Variants in PRX observed in about 807,000 individuals in gnomAD.
The protein encoded by PRX is periaxin.
A neutral mutation model predicts 29.6 loss-of-function variants in PRX; 24 were observed. The ratio of observed to expected loss-of-function variants is 0.81; its 90% confidence interval spans 0.59 to 1.14. The LOEUF is 1.14. PRX is among the 50% of genes most tolerant of loss of function. The pLI is 0.00. For synonymous variants in PRX, 772 were observed against 831.7 expected, an observed-to-expected ratio of 0.93 and a Z score of 1.24; for missense variants, 1,838 against 1,926.4, an observed-to-expected ratio of 0.95 and a Z score of 0.86.
chr19:40,410,669 G>C (rs948216497), intron 1 of PRX, among the ~76,000 whole-genome samples: 3 of 152,166 alleles, frequency 2.0e-5, no homozygotes, highest in African/African-American at 7.2e-5. Context: ...TCAGGGGTTC[G>C]AGACCAGTCT....
At position 40,397,599 on chromosome 19, in the gene PRX, GACCTGGGGGAC is replaced by G; in HGVS notation, c.742_752del (p.Val248LeufsTer101). The stretch of plus-strand genomic sequence containing the variant: ...CTGAGGGGGCAGCCTTGGGGGCTGA[GACCTGGGGGAC>G]ACCCACCTCCGCCCCTGGCAGCCGC... On this transcript the variant is annotated frameshift_variant, in exon 7 of 7. Transcript: ENST00000324001. LOFTEE classifies it low-confidence loss of function (END_TRUNC). 6.5e-7 allele frequency: 1 copy of G among 1,541,386 alleles called. No individual in the cohort carries two copies. The highest frequency in any genetic ancestry group is 8.7e-7 in the Non-Finnish European group (1 of 1,148,390).
intron 5 of PRX, among the ~76,000 whole-genome samples, chr19:40,403,335 T>G (rs913416177): frequency 6.6e-6 from 1 of 152,072 alleles, no homozygotes; most frequent in African/African-American, 2.4e-5. Context: ...ACAAAAACAT[T>G]TACTAGCACT....
Position 40,395,038 on chromosome 19 carries a change from C to G in PRX, c.3314G>C (p.Gly1105Ala), listed in dbSNP as rs1403624335. 3.7e-6 allele frequency: 6 copies of G among 1,611,214 alleles called. No homozygotes were observed. In the African/African-American group the frequency reaches 8.0e-5, roughly 22 times the overall value. The change falls in exon 7 of 7, where the codon GGC becomes GCC. Residue 1105 changes from glycine (G) to alanine (A), a missense_variant. By Grantham distance (60) the Gly-to-Ala change is moderately conservative (BLOSUM62 0). Coordinates refer to ENST00000324001, the MANE Select transcript of PRX (RefSeq NM_181882.3). ...CTCTGCCCTCCCTTCCTCCTGGGCG[C>G]CCAGCGTGACCAGCTCCACCTCGGG... ...KIPEVELVTL[G>A]AQEEGRAEGA...
In PRX at chr19:40,396,039, T is replaced by C; in HGVS notation, c.2313A>G (p.Ala771=). The C allele has an allele frequency of 6.2e-7, 1 of 1,614,084 alleles. No individual in the cohort carries two copies. Among genetic ancestry groups the C allele is most frequent in the East Asian group, 2.2e-5 (1 of 44,890 alleles). ...GAGCCCTGGGCAGCTTCACCTCTGG[T>C]GCCTTCGGAAGATGCACGTCGGGAA... The part of the protein sequence containing the change: ...PKVPDVHLPK[A]PEVKLPRAPE... Residue 771 remains alanine (A), a synonymous_variant, in exon 7 of 7, where the codon GCA becomes GCG. Transcript: ENST00000324001.
At position 40,399,888 on chromosome 19, in the gene PRX, TTTCTTTCTTTCTTTCTTTTTCTTTC is replaced by T. The variant is rs1304343811; in HGVS notation, c.185-1097_185-1073del. Among the ~76,000 whole-genome samples the T allele has an allele frequency of 1.6e-3, 105 of 65,448 alleles. 1 individual carries two copies. The highest frequency in any genetic ancestry group is 0.011 in the African/African-American group (103 of 9,064). The allele number at this position is 65,448 out of a possible 152,430, so 42.9% of individuals were successfully genotyped here. On this transcript the variant is annotated intron_variant, in intron 5 of 6. Coordinates refer to ENST00000324001, the MANE Select transcript of PRX (RefSeq NM_181882.3). ...CTTTCTTTCTTTCTTTCTTTCTTTC[TTTCTTTCTTTCTTTCTTTTTCTTTC>T]TTTCTTTCTTTCACCCAGCTTTCTT...
At position 40,397,745 on chromosome 19, in the gene PRX, G is replaced by A. The variant is rs2079456028; in HGVS notation, c.607C>T (p.Gln203Ter). 8 of 1,563,968 alleles carry A rather than the reference G, an allele frequency of 5.1e-6. No individual in the cohort carries two copies. The highest frequency in any genetic ancestry group is 6.9e-6 in the Non-Finnish European group (8 of 1,156,106). Residue 203 changes from glutamine (Q) to a stop codon, truncating the protein, a stop_gained, in exon 7 of 7, where the codon CAG becomes TAG. Transcript: ENST00000324001. LOFTEE classifies it low-confidence loss of function (END_TRUNC). ...GCGGCGGCGGCCAGCCGGGCTGCCT[G>A]AGCCTCTTCGGCCACTTCTCGTACA... ...LRVREVAEEA[Q>*]AARLAAAAPP...
In PRX at chr19:40,397,394, A is replaced by G; in HGVS notation, c.958T>C (p.Ser320Pro). The change falls in exon 7 of 7, where the codon TCG (serine) becomes CCG (proline). Residue 320 changes from serine to proline, a missense_variant. Transcript: ENST00000324001. ...PCLETREGAV[S>P]VVVPTLDVAA... ...ACATCCAGGGTGGGCACCACTACCG[A>G]CACAGCCCCTTCCCGGGTCTCTAGG... 2 of 1,612,292 alleles carry G rather than the reference A, an allele frequency of 1.2e-6. No homozygotes were observed. Among genetic ancestry groups the G allele is most frequent in the Non-Finnish European group, 1.7e-6 (2 of 1,179,720 alleles).
intron 5 of PRX, among the ~76,000 whole-genome samples, chr19:40,399,298 T>G (rs1386366836): frequency 1.3e-5 from 2 of 152,210 alleles, no homozygotes; most frequent in East Asian, 3.8e-4. Context: ...TCAGTTGTCC[T>G]TCTCGTCTAC....
At chr19:40,414,362 G>C (rs571315806), upstream of PRX, among the ~76,000 whole-genome samples, 1 of 152,254 alleles carries the variant, frequency 6.6e-6, no homozygotes, top group African/African-American at 2.4e-5. Context: ...GGGCTCAAGC[G>C]ATCTTCCCAC....
Position 40,395,280 on chromosome 19 carries a change from G to C in PRX, c.3072C>G (p.Pro1024=). The C allele has an allele frequency of 3.1e-6, 5 of 1,613,668 alleles. No individual in the cohort carries two copies. The highest frequency in any genetic ancestry group is 3.4e-6 in the Non-Finnish European group (4 of 1,180,012). Residue 1024 remains proline, a synonymous_variant, in exon 7 of 7, where the codon CCC becomes CCG. Coordinates refer to ENST00000324001, the MANE Select transcript of PRX (RefSeq NM_181882.3). ...TGTCCCGGCCTCTGACCCCAAACTT[G>C]GGGAGAGCAAACCTGGGCCCCTTGA... is the stretch of plus-strand genomic sequence containing the variant. The part of the protein sequence containing the change: ...LKFKGPRFAL[P]KFGVRGRDTE...
At position 40,397,719 on chromosome 19, in the gene PRX, AGCG is replaced by A. The variant is rs1171164855; in HGVS notation, c.630_632del (p.Ala211del). The stretch of plus-strand genomic sequence containing the variant: ...CCACCTTGGCTTTCCTGGGGGGAGG[AGCG>A]GCGGCGGCCAGCCGGGCTGCCTGAG... On this transcript the variant is annotated inframe_deletion, in exon 7 of 7. Coordinates refer to ENST00000324001, the MANE Select transcript of PRX (RefSeq NM_181882.3). 6.4e-7 allele frequency: 1 copy of A among 1,559,798 alleles called. No homozygotes were observed. Among genetic ancestry groups the A allele is most frequent in the South Asian group, 1.2e-5 (1 of 85,450 alleles).
At chr19:40,414,344 G>A (rs1448475642), upstream of PRX, among the ~76,000 whole-genome samples, 1 of 152,056 alleles carries the variant, frequency 6.6e-6, no homozygotes, top group Non-Finnish European at 1.5e-5. Flanking sequence ...GGCTGGTCTC[G>A]AACTCCTGGG....
At chr19:40,409,849 C>T (rs1472660697) in intron 1 of PRX, among the ~76,000 whole-genome samples, 2 of 152,132 alleles carry the variant, frequency 1.3e-5, no homozygotes, top group Non-Finnish European at 2.9e-5. Context: ...GCACATGGCC[C>T]TCAGCACAGC....
chr19:40,402,796 C>G (rs1207825167), intron 5 of PRX, among the ~76,000 whole-genome samples: 2 of 118,194 alleles, frequency 1.7e-5, no homozygotes, highest in African/African-American at 8.1e-5. Flanking sequence ...AAAATCTCTC[C>G]CCACTGGAAT....
In PRX at chr19:40,398,195, G is replaced by A. The variant is rs965905179; in HGVS notation, c.382-225C>T. On this transcript the variant is annotated intron_variant, in intron 6 of 6. Transcript: ENST00000324001. The surrounding 1 kb of genome is among the most constrained non-coding windows in gnomAD (Gnocchi z 6.3). ...GAGTCAACAGGAGTGTAGGGACGGG[G>A]ACCCAAGACTTCTAGATCCTGATCC... The A allele has an allele frequency of 1.8e-5, 25 of 1,421,330 alleles. No individual in the cohort carries two copies. Among genetic ancestry groups the A allele is most frequent in the Admixed American group, 6.0e-5 (2 of 33,502 alleles). 88.0% of individuals were successfully genotyped at this position (1,421,330 alleles called of 1,614,324 possible).
Position 40,403,832 on chromosome 19 carries a change from T to C in PRX, c.58A>G (p.Ile20Val). The C allele has an allele frequency of 6.2e-7, 1 of 1,606,002 alleles. No individual in the cohort carries two copies. The highest frequency in any genetic ancestry group is 8.5e-7 in the Non-Finnish European group (1 of 1,178,476). The change falls in exon 5 of 7, where the codon ATC becomes GTC. Residue 20 changes from isoleucine to valine, a missense_variant. Ile to Val is a conservative substitution (Grantham distance 29). This residue lies in a region of PRX where 666 missense variants were observed against 665.0 expected (regional missense o/e 1.00). Transcript: ENST00000324001. ...CCGGTCTGCGCCTCCGTCTCCACGA[T>C]AATTTCCACCAACTCCGCCCGCCTC... ...ELRRAELVEI[I>V]VETEAQTGVS...
In PRX at chr19:40,398,095, C is replaced by T. The variant is rs925047550; in HGVS notation, c.382-125G>A. 4.8e-6 allele frequency: 7 copies of T among 1,449,828 alleles called. No homozygotes were observed. Among genetic ancestry groups the T allele is most frequent in the Non-Finnish European group, 6.3e-6 (7 of 1,102,544 alleles). 89.8% of individuals were successfully genotyped at this position (1,449,828 alleles called of 1,614,324 possible). ...TGGGTCAAGTATCTTGTTCCCCAAA[C>T]ATCATCCCCACTTCTTGCCTGTCAT... On this transcript the variant is annotated intron_variant, in intron 6 of 6. Transcript: ENST00000324001. This position sits in a 1 kb window ranked among gnomAD's most constrained non-coding sequence, Gnocchi z 6.3.
Position 40,394,432 on chromosome 19 carries a change from C to G in PRX, c.3920G>C (p.Arg1307Pro), listed in dbSNP as rs767394584. The stretch of plus-strand genomic sequence containing the variant: ...CCGCACCAGGCCAAACCGGGGCAGC[C>G]GTACCTTGAGCTTGTGTCCGGCCTC... Reference protein sequence around the residue: ...EGEAGHKLKVRLPRFGLVRAK... With the variant: ...EGEAGHKLKVPLPRFGLVRAK... Residue 1307 changes from arginine to proline, a missense_variant, in exon 7 of 7, where the codon CGG (arginine) becomes CCG (proline). Transcript: ENST00000324001. This position sits in a 1 kb window ranked among gnomAD's most constrained non-coding sequence, Gnocchi z 5.8. The G allele has an allele frequency of 8.1e-6, 13 of 1,602,654 alleles. No individual in the cohort carries two copies. The highest frequency in any genetic ancestry group is 1.1e-5 in the Non-Finnish European group (13 of 1,175,110).
intron 1 of PRX, among the ~76,000 whole-genome samples, chr19:40,410,452 G>GC (rs2079553392): frequency 6.6e-6 from 1 of 151,962 alleles, no homozygotes. Context: ...CAGCACCCAC[G>GC]CCCCCCACAG....
Sources: allele counts gnomAD v4.1 joint callset (sites outside exome capture counted in the v4.1 genomes callset), GRCh38; gene constraint gnomAD v4.1.1; regional missense constraint gnomAD v4.1.1; non-coding constraint Gnocchi (gnomAD v3.1); transcripts MANE v1.5; gene names NCBI Gene and HGNC (gene_info 2026-07-23, HGNC 2026-07-21).